FAT1: variants seen among roughly 807,000 people sequenced by gnomAD.
The protein encoded by FAT1 is protocadherin Fat 1.
A neutral mutation model predicts 329.8 loss-of-function variants in FAT1; 171 were observed. The observed-to-expected ratio is 0.52, with a 90% CI of 0.46 to 0.59. The LOEUF is 0.59. Among genes scored for constraint, FAT1 ranks in the 20% least tolerant of loss-of-function variants. FAT1 has a pLI of 0.00. For synonymous variants in FAT1, 2,233 were observed against 2,228.6 expected (o/e 1.00, Z -0.06); for missense variants, 5,672 against 5,774.4 (o/e 0.98, Z 0.57).
chr4:186,604,692 C>T (rs1739009086), intron 17 of FAT1, 118 bp from the exon 18 acceptor site: 1 of 640,998 alleles, frequency 1.6e-6, no homozygotes, highest in African/African-American at 1.8e-5. Context: ...CCTTTCTGCT[C>T]TATCTGAAAG....
chr4:186,601,141 A>T, intron 21 of FAT1, 128 bp downstream of exon 21: 1 of 867,016 alleles, frequency 1.2e-6, no homozygotes, highest in East Asian at 2.7e-5. Context: ...GCATCAATGA[A>T]TTATTTAAAT....
chr4:186,671,309 TA>T (rs199500415), intron 2 of FAT1, among the ~76,000 whole-genome samples: 2 of 152,026 alleles, frequency 1.3e-5, no homozygotes, highest in African/African-American at 4.8e-5. Context: ...TGTAAAATAA[TA>T]AAAAAATATT....
intron 2 of FAT1, among the ~76,000 whole-genome samples, chr4:186,675,655 G>A (rs1742915611): frequency 6.6e-6 from 1 of 151,760 alleles, no homozygotes; most frequent in African/African-American, 2.4e-5. Flanking sequence ...GTAGCTCCAG[G>A]CTGAGGTGGG....
chr4:186,624,597 A>G (rs1430980411), intron 9 of FAT1, among the ~76,000 whole-genome samples: 1 of 152,146 alleles, frequency 6.6e-6, no homozygotes, highest in Non-Finnish European at 1.5e-5. Flanking sequence ...CCAGCATATA[A>G]CTCAATGGTT....
rs768440012 is a variant in FAT1, at chr4:186,611,557, G to A, written c.9682C>T (p.Pro3228Ser). 6 of 1,613,910 alleles carry A rather than the reference G, an allele frequency of 3.7e-6. 1 individual carries two copies. In the Middle Eastern group the frequency reaches 6.6e-4, roughly 177 times the overall value. ...VSVLDINDNPPVFEYREYGAT... is the reference protein window; with the variant it reads ...VSVLDINDNPSVFEYREYGAT... ...CCATATTCACGGTACTCAAACACAG[G>A]GGGGTTGTCATTTATGTCAAGAACT... Residue 3228 changes from proline (P) to serine (S), a missense_variant, in exon 14 of 27, where the codon CCT becomes TCT. Physicochemically the swap from Pro to Ser is moderately conservative, Grantham distance 74. Around this residue, in one of 2 missense-constraint regions of FAT1, gnomAD observed 1,706 missense variants for 1,859.1 expected, o/e 0.92. Transcript: ENST00000441802.
At chr4:186,716,526 C>CCGCCTCCGCCTCCG (rs1310593573) in intron 1 of FAT1, among the ~76,000 whole-genome samples, 5 of 152,052 alleles carry the variant, frequency 3.3e-5, no homozygotes, top group African/African-American at 1.2e-4. Context: ...CTTCCAGGCT[C>CCGCCTCCGCCTCCG]AAGTGATCCT....
At position 186,619,192 on chromosome 4, in the gene FAT1, A is replaced by G. The variant is rs2126503093; in HGVS notation, c.7394T>C (p.Leu2465Pro). ...HALKPFYSLNLSVSDGVFRSS... is the reference protein window; with the variant it reads ...HALKPFYSLNPSVSDGVFRSS... ...TCTAAAAACTCCATCAGACACTGACAGGTTAAGACTGTAAAATGGCTTCAG... is the reference window on the plus strand; with the variant it reads ...TCTAAAAACTCCATCAGACACTGACGGGTTAAGACTGTAAAATGGCTTCAG... Residue 2465 changes from leucine to proline, a missense_variant, in exon 10 of 27, where the codon CTG becomes CCG. Transcript: ENST00000441802. 1 of 1,613,980 alleles carries G rather than the reference A, an allele frequency of 6.2e-7. No homozygotes were observed.
At chr4:186,718,575 G>GA (rs1745325077) in intron 1 of FAT1, among the ~76,000 whole-genome samples, 1 of 152,176 alleles carries the variant, frequency 6.6e-6, no homozygotes, top group Non-Finnish European at 1.5e-5. Flanking sequence ...GCTGAAGCAG[G>GA]AGAATCGCTT....
At chr4:186,715,945 T>C (rs2126716299) in intron 1 of FAT1, among the ~76,000 whole-genome samples, 1 of 152,340 alleles carries the variant, frequency 6.6e-6, no homozygotes, top group South Asian at 2.1e-4. Context: ...GAGACCTTCA[T>C]GTAAAATGCT....
rs200717236 is a variant in FAT1 at position 186,604,501 on chromosome 4, G to C, written c.10424C>G (p.Pro3475Arg). Residue 3475 changes from proline (P) to arginine (R), a missense_variant, in exon 18 of 27, where the codon CCC (proline) becomes CGC (arginine). This residue lies in a region of FAT1 where 1,706 missense variants were observed against 1,859.1 expected (regional missense o/e 0.92). Transcript: ENST00000441802. ...TCCAGTTACAATAGTAAAGAAGAAG[G>C]GTGGACCGTTATGGGAAGAATCCTC... is the stretch of plus-strand genomic sequence containing the variant. ...TDEDSSHNGP[P>R]FFFTIVTGND... The C allele has an allele frequency of 3.4e-4, 547 of 1,613,776 alleles. 6 individuals carry two copies. The South Asian group carries it at 5.6e-3, about 16-fold the overall frequency.
intron 2 of FAT1, among the ~76,000 whole-genome samples, chr4:186,667,183 C>T (rs1396435705): frequency 6.6e-6 from 1 of 152,184 alleles, no homozygotes; most frequent in African/African-American, 2.4e-5. Context: ...ATTTTTCCGT[C>T]GTGCCTTATT....
At chr4:186,643,288 G>T (rs1411216748) in intron 3 of FAT1, among the ~76,000 whole-genome samples, 1 of 152,172 alleles carries the variant, frequency 6.6e-6, no homozygotes, top group Non-Finnish European at 1.5e-5. Context: ...CACAAATCAA[G>T]ATCCTGCAAG....
Position 186,603,591 on chromosome 4 carries a change from G to A in FAT1, c.10935C>T (p.Ile3645=), listed in dbSNP as rs755972042. 1 of 1,614,002 alleles carries A rather than the reference G, an allele frequency of 6.2e-7. No individual in the cohort carries two copies. Among genetic ancestry groups the A allele is most frequent in the Non-Finnish European group, 8.5e-7 (1 of 1,179,886 alleles). The change falls in exon 19 of 27, where the codon ATC becomes ATT. Residue 3645 remains isoleucine (I), a synonymous_variant. Transcript: ENST00000441802. ...CTTCCGGAGTGAGGTTGGCAAAGCGGATCGCGATGGTGTGGTTCAACATCT... is the reference window on the plus strand; with the variant it reads ...CTTCCGGAGTGAGGTTGGCAAAGCGAATCGCGATGGTGTGGTTCAACATCT... ...TQEMLNHTIA[I]RFANLTPEEF... is the part of the protein sequence containing the mutation.
intron 4 of FAT1, among the ~76,000 whole-genome samples, chr4:186,638,933 G>A (rs987840326): frequency 1.6e-4 from 24 of 150,602 alleles, no homozygotes; most frequent in Non-Finnish European, 3.4e-4. Flanking sequence ...CGGTCTGCCT[G>A]TCTCTCAGCC....
intron 9 of FAT1, among the ~76,000 whole-genome samples, chr4:186,625,879 C>T (rs530988765): frequency 3.3e-5 from 5 of 152,336 alleles, no homozygotes; most frequent in South Asian, 2.1e-4. Flanking sequence ...GCAACGCCTA[C>T]GTACCATGCC....
intron 1 of FAT1, among the ~76,000 whole-genome samples, chr4:186,711,379 T>C (rs1358802330): frequency 6.6e-6 from 1 of 152,120 alleles, no homozygotes; most frequent in Non-Finnish European, 1.5e-5. Flanking sequence ...AGAACAATTA[T>C]CATTTAAACA....
chr4:186,659,884 G>A (rs1357212625), intron 3 of FAT1, among the ~76,000 whole-genome samples: 1 of 148,630 alleles, frequency 6.7e-6, no homozygotes, highest in Non-Finnish European at 1.5e-5. Context: ...AACGACCCTG[G>A]GTGCTCCTGC....
chr4:186,597,915 T>C lies in FAT1; in HGVS notation c.12257+57A>G, dbSNP rs1738610598. On this transcript the variant is annotated intron_variant, in intron 23 of 26. Transcript: ENST00000441802. ...TGCAGACTTTTTACATGTACCATTA[T>C]ATGTTTAAGAATTTTATACTACAAT... 3.8e-6 allele frequency: 6 copies of C among 1,576,788 alleles called. No individual in the cohort carries two copies. The South Asian group carries it at 6.9e-5, about 18-fold the overall frequency.
intron 16 of FAT1, among the ~76,000 whole-genome samples, chr4:186,608,699 T>G (rs1739255899): frequency 6.6e-6 from 1 of 152,238 alleles, no homozygotes; most frequent in Non-Finnish European, 1.5e-5. Flanking sequence ...CCTGGTTTTC[T>G]ATGTGGCCAA....
Sources: gnomAD v4.1 joint callset for allele counts (sites outside exome capture counted in the v4.1 genomes callset) on GRCh38, gnomAD v4.1.1 for gene constraint, gnomAD v4.1.1 regional missense constraint, MANE v1.5 for transcripts, NCBI Gene and HGNC (gene_info 2026-07-23, HGNC 2026-07-21) for gene names.